FAT3: variants seen among roughly 807,000 people sequenced by gnomAD.
FAT3 encodes FAT atypical cadherin 3.
Under a neutral mutation model 310.2 loss-of-function variants are expected in FAT3, and 95 were observed. The ratio of observed to expected loss-of-function variants is 0.31; its 90% CI spans 0.26 to 0.36. The LOEUF (loss-of-function observed/expected upper bound fraction) is 0.36, where lower values mean the gene tolerates loss of function less well. Among genes scored for constraint, FAT3 ranks in the 10% least tolerant of loss-of-function variants. FAT3 has a pLI of 1.00. For missense variants in FAT3, 5,408 were observed against 5,715.6 expected (o/e 0.95, Z 1.74); for synonymous variants, 2,314 against 2,192.9 (o/e 1.06, Z -1.54).
chr11:92,442,234 C>T (rs1427986830), intron 2 of FAT3, among the ~76,000 whole-genome samples: 1 of 146,988 alleles, frequency 6.8e-6, no homozygotes, highest in Non-Finnish European at 1.5e-5. Flanking sequence ...CTGCCTCAGC[C>T]TCCTGAGTAG....
Position 92,801,275 on chromosome 11 carries a change from C to A in FAT3, c.8262C>A (p.Gly2754=). The change falls in exon 10 of 28, where the codon GGC becomes GGA. Residue 2754 remains glycine (G), a synonymous_variant. Transcript: ENST00000525166. The part of the protein sequence containing the change: ...NGERPENNKG[G]IFVIEQETGT... ...AACGGCCAGAAAATAACAAAGGGGG[C>A]ATATTCGTCATAGAACAGGAAACAG... The A allele has an allele frequency of 6.2e-7, 1 of 1,613,802 alleles. No individual in the cohort carries two copies. Among genetic ancestry groups the A allele is most frequent in the Non-Finnish European group, 8.5e-7 (1 of 1,179,856 alleles).
At chr11:92,229,506 TG>T (rs370077652) in intron 1 of FAT3, among the ~76,000 whole-genome samples, 25,439 of 102,304 alleles carry the variant, frequency 0.25, 6,837 homozygotes, top group South Asian at 0.44. Context: ...TTTTTTTTTT[TG>T]TTTTTTGTTT....
chr11:92,584,588 C>G (rs925040685), intron 3 of FAT3, among the ~76,000 whole-genome samples: 1 of 151,700 alleles, frequency 6.6e-6, no homozygotes, highest in African/African-American at 2.4e-5. Context: ...TTAGTACCAT[C>G]TATTTTTGAA....
chr11:92,632,817 G>C (rs1941603456), intron 3 of FAT3, among the ~76,000 whole-genome samples: 1 of 152,128 alleles, frequency 6.6e-6, no homozygotes. Flanking sequence ...ATCATCAGAG[G>C]TTAATTCCTG....
intron 1 of FAT3, among the ~76,000 whole-genome samples, chr11:92,303,125 A>C (rs1482197889): frequency 6.6e-6 from 1 of 152,110 alleles, no homozygotes; most frequent in Non-Finnish European, 1.5e-5. Flanking sequence ...ATTAATGAGG[A>C]GGGTTGAAAG....
rs543169594 is a variant in FAT3, at chr11:92,765,263, G to A, written c.4195+174G>A. The stretch of plus-strand genomic sequence containing the variant: ...AAGTGAATAATCGACCTGTGCTTTC[G>A]TTCCAACTCTGTAGCTAAGCTGAAC... On this transcript the variant is annotated intron_variant, in intron 6 of 27. Coordinates refer to ENST00000525166, the MANE Select transcript of FAT3 (RefSeq NM_001367949.2). Among the ~76,000 whole-genome samples, 8 of 152,202 alleles carry A rather than the reference G, an allele frequency of 5.3e-5. No homozygotes were observed. In the South Asian group the frequency reaches 6.2e-4, roughly 12 times the overall value.
At chr11:92,291,794 A>G (rs979348186) in intron 1 of FAT3, among the ~76,000 whole-genome samples, 2 of 152,044 alleles carry the variant, frequency 1.3e-5, no homozygotes, top group Admixed American at 6.6e-5. Context: ...TCTCCAACAC[A>G]TGATTTTCTT....
intron 9 of FAT3, among the ~76,000 whole-genome samples, chr11:92,795,268 A>T (rs1947139068): frequency 6.6e-6 from 1 of 151,846 alleles, no homozygotes; most frequent in Non-Finnish European, 1.5e-5. Flanking sequence ...AGTTTAAAAT[A>T]TTTTTTTTAG....
intron 2 of FAT3, among the ~76,000 whole-genome samples, chr11:92,432,960 C>G (rs1950828701): frequency 6.6e-6 from 1 of 152,210 alleles, no homozygotes; most frequent in South Asian, 2.1e-4. Context: ...GAGAGGCAGT[C>G]TGGCTACAGA....
intron 3 of FAT3, among the ~76,000 whole-genome samples, chr11:92,565,490 C>G (rs1036026145): frequency 1.0e-4 from 15 of 148,276 alleles, no homozygotes; most frequent in East Asian, 2.0e-4. Context: ...CCTTCTGAAA[C>G]TATTCCAATC....
chr11:92,781,835 G>A (rs1232287391), intron 7 of FAT3, among the ~76,000 whole-genome samples: 11 of 152,144 alleles, frequency 7.2e-5, no homozygotes, highest in Non-Finnish European at 1.6e-4. Flanking sequence ...CTTTATTAAT[G>A]TTTGTTTCTC....
chr11:92,430,666 C>T (rs1408410207), intron 2 of FAT3, among the ~76,000 whole-genome samples: 2 of 152,066 alleles, frequency 1.3e-5, no homozygotes, highest in African/African-American at 4.8e-5. Context: ...CCCGCTCCCC[C>T]CACCCTACAA....
intron 4 of FAT3, among the ~76,000 whole-genome samples, chr11:92,736,761 A>G (rs1224173643): frequency 6.6e-6 from 1 of 152,214 alleles, no homozygotes; most frequent in African/African-American, 2.4e-5. Flanking sequence ...GATTCCTAGT[A>G]TCTGGGCAAT....
chr11:92,798,797 T>G lies in FAT3; in HGVS notation c.5784T>G (p.Asp1928Glu). Residue 1928 changes from aspartate to glutamate, a missense_variant, in exon 10 of 28, where the codon GAT becomes GAG. Asp to Glu is a conservative substitution (Grantham distance 45). Coordinates refer to ENST00000525166, the MANE Select transcript of FAT3 (RefSeq NM_001367949.2). ...ACAGCCTAATGGAAGGCAGTTTGGATCATTTTTTAATTGACTCAAACAGTG... is the reference window on the plus strand; with the variant it reads ...ACAGCCTAATGGAAGGCAGTTTGGAGCATTTTTTAATTGACTCAAACAGTG... ...LTYSLMEGSLDHFLIDSNSGV... is the reference protein window; with the variant it reads ...LTYSLMEGSLEHFLIDSNSGV... 6.2e-7 allele frequency: 1 copy of G among 1,613,880 alleles called. No individual in the cohort carries two copies. The highest frequency in any genetic ancestry group is 1.7e-4 in the Middle Eastern group (1 of 6,058).
chr11:92,782,763 C>G (rs1946786239), intron 7 of FAT3, among the ~76,000 whole-genome samples: 1 of 152,096 alleles, frequency 6.6e-6, no homozygotes, highest in African/African-American at 2.4e-5. Flanking sequence ...GACCTGAATT[C>G]CTAAGGTTAG....
At chr11:92,402,990 C>T (rs1210250111) in intron 2 of FAT3, among the ~76,000 whole-genome samples, 2 of 152,044 alleles carry the variant, frequency 1.3e-5, no homozygotes, top group East Asian at 3.9e-4. Context: ...CAAAACTTGT[C>T]CACTCTCCCT....
chr11:92,317,238 C>T (rs562306418), intron 1 of FAT3, among the ~76,000 whole-genome samples: 2 of 152,310 alleles, frequency 1.3e-5, no homozygotes, highest in South Asian at 4.1e-4. Flanking sequence ...CATGTAAACT[C>T]TTTCTCTCTT....
At chr11:92,465,757 G>A (rs1591325740) in intron 2 of FAT3, among the ~76,000 whole-genome samples, 1 of 151,996 alleles carries the variant, frequency 6.6e-6, no homozygotes. Context: ...AGAAATACCT[G>A]ATGTAAATGA....
intron 21 of FAT3, among the ~76,000 whole-genome samples, chr11:92,865,231 GAATTCAGTTGTCTGT>G (rs1659718439): frequency 6.6e-6 from 1 of 152,214 alleles, no homozygotes; most frequent in South Asian, 2.1e-4. Flanking sequence ...GAGTCCCTAA[GAATTCAGTTGTCTGT>G]ACTGAAGCAT....
Sources: allele counts gnomAD v4.1 joint callset (sites outside exome capture counted in the v4.1 genomes callset), GRCh38; gene constraint gnomAD v4.1.1; transcripts MANE v1.5; gene names NCBI Gene and HGNC (gene_info 2026-07-23, HGNC 2026-07-21).